The following BGN variants were observed in gnomAD, a reference collection of about 807,000 sequenced individuals.
The protein encoded by BGN is biglycan, also known as bone/cartilage proteoglycan-I.
Under a neutral mutation model 20.0 loss-of-function variants are expected in BGN, and 6 were observed. That is an observed-to-expected ratio of 0.30 (90% CI 0.16 to 0.59). BGN has a LOEUF of 0.59. BGN is among the 20% of genes least tolerant of loss of function. The pLI is 0.88. For synonymous variants in BGN, 146 were observed against 134.6 expected (o/e 1.08, Z -0.59); for missense variants, 292 against 312.1 (o/e 0.94, Z 0.49).
chrX:153,501,132 G>T (rs1389361563), intron 1 of BGN, among the ~76,000 whole-genome samples: 1 of 111,985 alleles, frequency 8.9e-6, no homozygotes, highest in Non-Finnish European at 1.9e-5. Context: ...TATGTGTTTT[G>T]TATAGGTGTG....
chrX:153,500,192 G>A, intron 1 of BGN, among the ~76,000 whole-genome samples: 1 of 113,146 alleles, frequency 8.8e-6, no homozygotes, highest in Non-Finnish European at 1.9e-5. Flanking sequence ...CAGTGCAGAG[G>A]ACTGCGCTAG....
At chrX:153,502,118 G>A (rs1053905125) in intron 1 of BGN, among the ~76,000 whole-genome samples, 6 of 112,587 alleles carry the variant, frequency 5.3e-5, no homozygotes, top group Non-Finnish European at 9.4e-5. Context: ...AGGAGTCCCT[G>A]TAGAGTCCTC....
At chrX:153,501,153 C>T (rs1214232743) in intron 1 of BGN, among the ~76,000 whole-genome samples, 7 of 106,289 alleles carry the variant, frequency 6.6e-5, no homozygotes, top group Admixed American at 4.9e-4. Context: ...TGCGTGTGCA[C>T]GTGTGTGTAT....
At chrX:153,498,179 G>T (rs1461500299) in intron 1 of BGN, among the ~76,000 whole-genome samples, 3 of 112,901 alleles carry the variant, frequency 2.7e-5, no homozygotes. Flanking sequence ...TCTTAAGCCT[G>T]AGCTCCACTT....
chrX:153,505,436 A>G, intron 3 of BGN, 86 bp downstream of exon 3: 1 of 829,418 alleles, frequency 1.2e-6, no homozygotes, highest in East Asian at 3.4e-5. Context: ...GGGGTATGAG[A>G]GGGGTTCGGG....
chrX:153,503,211 C>T (rs1556992246), intron 1 of BGN, among the ~76,000 whole-genome samples: 1 of 112,309 alleles, frequency 8.9e-6, no homozygotes, highest in African/African-American at 3.2e-5. Flanking sequence ...CGGGGCTGCT[C>T]ATAGGGTGCT....
rs781997038 is a variant in BGN at position 153,507,080 on chromosome X, C to G, written c.804C>G (p.Ile268Met). The G allele has an allele frequency of 8.3e-7, 1 of 1,209,198 alleles. No individual in the cohort carries two copies. Among genetic ancestry groups the G allele is most frequent in the South Asian group, 1.8e-5 (1 of 56,552 alleles). Residue 268 changes from isoleucine (I) to methionine (M), a missense_variant, in exon 7 of 8, where the codon ATC (isoleucine) becomes ATG (methionine). Transcript: ENST00000331595. ...LGLGHNQIRM[I>M]ENGSLSFLPT... ...TAGGCCACAACCAGATCAGGATGAT[C>G]GAGAACGGGAGCCTGAGCTTCCTGC... is the stretch of plus-strand genomic sequence containing the variant.
In BGN at chrX:153,505,127, A is replaced by T; in HGVS notation, c.239-111A>T. 5 of 647,753 alleles carry T rather than the reference A, an allele frequency of 7.7e-6. No individual in the cohort carries two copies. In the South Asian group the frequency reaches 1.4e-4, roughly 18 times the overall value. 53.4% of individuals were successfully genotyped at this position (647,753 alleles called of 1,213,427 possible). On this transcript the variant is annotated intron_variant, in intron 2 of 7. Coordinates refer to ENST00000331595, the MANE Select transcript of BGN (RefSeq NM_001711.6). Reference sequence around the variant, plus strand: ...GGGGCTAGTCGGCTGGATGGCTCCAAGTTCATGCTGGTGATGGTGGTGGGG... The same window carrying T: ...GGGGCTAGTCGGCTGGATGGCTCCATGTTCATGCTGGTGATGGTGGTGGGG...
At chrX:153,503,562 G>A (rs2089775998) in intron 1 of BGN, among the ~76,000 whole-genome samples, 2 of 112,293 alleles carry the variant, frequency 1.8e-5, no homozygotes, top group Admixed American at 1.9e-4. Flanking sequence ...AGTGGTGAGA[G>A]AGGCAGGGCT....
intron 3 of BGN, 198 bp downstream of exon 3, chrX:153,505,548 G>A (rs2089793893): frequency 1.6e-5 from 7 of 446,490 alleles, no homozygotes; most frequent in Middle Eastern, 6.2e-4. Flanking sequence ...CTGCAGGACC[G>A]GATCGCTCAG....
chrX:153,504,558 G>T, intron 1 of BGN, 63 bp from the exon 2 acceptor site: 2 of 952,932 alleles, frequency 2.1e-6, no homozygotes, highest in South Asian at 4.5e-5. Flanking sequence ...CGGAACACCA[G>T]CCCCTGGCAT....
chrX:153,507,287 G>C, intron 7 of BGN, 102 bp downstream of exon 7: 3 of 1,027,298 alleles, frequency 2.9e-6, no homozygotes, highest in Non-Finnish European at 3.9e-6. Flanking sequence ...CTTCCCGACC[G>C]GCTCTGGGCA....
At chrX:153,498,329 C>T (rs1464306874) in intron 1 of BGN, among the ~76,000 whole-genome samples, 1 of 112,755 alleles carries the variant, frequency 8.9e-6, no homozygotes, top group Non-Finnish European at 1.9e-5. Context: ...GGCGGGCAGA[C>T]TCCTGGGTGG....
chrX:153,497,410 G>A (rs782326891), intron 1 of BGN, among the ~76,000 whole-genome samples: 34 of 110,081 alleles, frequency 3.1e-4, no homozygotes, highest in Admixed American at 5.6e-4. Flanking sequence ...GGATCCTGCC[G>A]GCCCTGGCCC....
At chrX:153,496,424 G>A (rs1387199000) in intron 1 of BGN, among the ~76,000 whole-genome samples, 3 of 113,172 alleles carry the variant, frequency 2.7e-5, no homozygotes, top group African/African-American at 9.6e-5. Context: ...GGATGTCTTG[G>A]TGCGGAGCAT....
At position 153,505,868 on chromosome X, in the gene BGN, C is replaced by G. The variant is rs146322407; in HGVS notation, c.357C>G (p.Leu119=). The change falls in exon 4 of 8, where the codon CTC becomes CTG. Residue 119 remains leucine, a synonymous_variant. Coordinates refer to ENST00000331595, the MANE Select transcript of BGN (RefSeq NM_001711.6). ...DFKGLQHLYA[L]VLVNNKISKI... ...CTCCGCCCACCCTGCTTCAGGCCCT[C>G]GTCCTGGTGAACAACAAGATCTCCA... The G allele has an allele frequency of 4.1e-6, 5 of 1,210,432 alleles. No individual in the cohort carries two copies. The Admixed American group carries it at 8.7e-5, about 21-fold the overall frequency.
Position 153,506,885 on chromosome X carries a change from C to T in BGN, c.732C>T (p.Ile244=), listed in dbSNP as rs782111656. The T allele has an allele frequency of 1.7e-5, 21 of 1,210,105 alleles. No individual in the cohort carries two copies. The highest frequency in any genetic ancestry group is 3.0e-5 in the East Asian group (1 of 33,752). ...TAGACCACAACAAAATCCAGGCCAT[C>T]GAACTGGAGGACCTGCTTCGCTACT... ...LHLDHNKIQA[I]ELEDLLRYSK... is the part of the protein sequence containing the mutation. Residue 244 remains isoleucine, a synonymous_variant, in exon 6 of 8, where the codon ATC becomes ATT. Transcript: ENST00000331595.
At chrX:153,500,698 GGTATGTAT>G (rs782386443) in intron 1 of BGN, among the ~76,000 whole-genome samples, 1 of 111,121 alleles carries the variant, frequency 9.0e-6, no homozygotes, top group Non-Finnish European at 1.9e-5. Context: ...TATATGTGCA[GGTATGTAT>G]GTATGTATGT....
intron 7 of BGN, among the ~76,000 whole-genome samples, chrX:153,507,894 T>A (rs2089814746): frequency 8.9e-6 from 1 of 112,983 alleles, no homozygotes; most frequent in Admixed American, 9.2e-5. Flanking sequence ...TCCCAAGGGC[T>A]CTTTCTCCTC....
Sources: gnomAD v4.1 joint callset for allele counts (sites outside exome capture counted in the v4.1 genomes callset) on GRCh38, gnomAD v4.1.1 for gene constraint, MANE v1.5 for transcripts, NCBI Gene and HGNC (gene_info 2026-07-23, HGNC 2026-07-21) for gene names.